Variants in LETMD1 observed in about 807,000 individuals in gnomAD.
LETMD1 encodes the protein LETM1 domain containing 1.
Under a neutral mutation model 43.9 loss-of-function variants are expected in LETMD1, and 30 were observed. The observed-to-expected ratio is 0.68, with a 90% CI of 0.51 to 0.93. The LOEUF (loss-of-function observed/expected upper bound fraction) is 0.93. LETMD1 is among the 40% of genes least tolerant of loss of function. The pLI is 0.00. For synonymous variants in LETMD1, 176 were observed against 163.1 expected (o/e 1.08, Z -0.60); for missense variants, 413 against 447.7 (o/e 0.92, Z 0.70).
chr12:51,064,439 G>T (rs1937894873), downstream of LETMD1: 1 of 1,611,184 alleles, frequency 6.2e-7, no homozygotes, highest in Non-Finnish European at 8.5e-7. Context: ...TGAACTCCTG[G>T]AAGTCCTGGG....
intron 7 of LETMD1, 53 bp from the exon 8 acceptor site, chr12:51,057,979 T>A (rs1395223759): frequency 8.9e-7 from 1 of 1,123,638 alleles, no homozygotes; most frequent in Non-Finnish European, 1.4e-6. Context: ...TCCATTTCCT[T>A]GGCATAATCA....
chr12:51,048,252 C>T (rs768521398), upstream of LETMD1: 2 of 1,489,722 alleles, frequency 1.3e-6, no homozygotes, highest in Non-Finnish European at 1.9e-6. Flanking sequence ...GCTATGGCTA[C>T]CAATCAGCGC....
chr12:51,056,062 G>C (rs1947614692), intron 5 of LETMD1, 41 bp downstream of exon 5: 3 of 1,606,356 alleles, frequency 1.9e-6, no homozygotes, highest in South Asian at 1.1e-5. Context: ...GTGGAATCTT[G>C]TTAGATTCAG....
At chr12:51,068,470 T>C in the LETMD1 span, among the ~76,000 whole-genome samples, 1 of 152,224 alleles carries the variant, frequency 6.6e-6, no homozygotes, top group Admixed American at 6.5e-5. Flanking sequence ...AATAGCCGTA[T>C]GTGACTACTG....
Position 51,057,991 on chromosome 12 carries a change from TC to T in LETMD1, c.916-40del. 3 of 1,181,922 alleles carry T rather than the reference TC, an allele frequency of 2.5e-6. No individual in the cohort carries two copies. The Admixed American group carries it at 5.0e-5, about 20-fold the overall frequency. The allele number at this position is 1,181,922 out of a possible 1,614,324, so 73.2% of individuals were successfully genotyped here. On this transcript the variant is annotated intron_variant, in intron 7 of 8. Coordinates refer to ENST00000262055, the MANE Select transcript of LETMD1 (RefSeq NM_015416.5). ...ATTTCCATTTCCTTGGCATAATCAT[TC>T]TATGATTATTAAGGACCATTTCTGT...
chr12:51,057,572 T>G (rs888246992), intron 7 of LETMD1: 1 of 187,630 alleles, frequency 5.3e-6, no homozygotes. Flanking sequence ...ATCTTGTCCA[T>G]CACTAGTTTT....
chr12:51,064,171 C>T, downstream of LETMD1: 1 of 1,614,098 alleles, frequency 6.2e-7, no homozygotes, highest in South Asian at 1.1e-5. Context: ...ACCGTTGAGG[C>T]AGTTGGGTGG....
At chr12:51,048,631 T>C in intron 1 of LETMD1, 153 bp downstream of exon 1, 1 of 945,432 alleles carries the variant, frequency 1.1e-6, no homozygotes, top group Non-Finnish European at 1.5e-6. Context: ...CGATCCCCAC[T>C]AGTGACCCGG....
chr12:51,062,968 G>T (rs1439028333), downstream of LETMD1: 1 of 152,304 alleles, frequency 6.6e-6, no homozygotes, highest in Admixed American at 6.5e-5. Context: ...TGTCAGACAC[G>T]TACAGAAGGC....
chr12:51,058,388 A>T (rs1027353899), intron 8 of LETMD1: 4 of 482,388 alleles, frequency 8.3e-6, no homozygotes, highest in African/African-American at 7.8e-5. Context: ...GCACTTCCTT[A>T]TGGGGGGAAT....
At chr12:51,064,788 C>A (rs1402143900), downstream of LETMD1, 17 of 742,294 alleles carry the variant, frequency 2.3e-5, no homozygotes, top group Non-Finnish European at 3.3e-5. Flanking sequence ...AGAAGAAAAG[C>A]AACCAATTCA....
chr12:51,063,971 G>C, downstream of LETMD1: 3 of 1,613,628 alleles, frequency 1.9e-6, no homozygotes, highest in Non-Finnish European at 1.7e-6. Flanking sequence ...ATTTACAGAG[G>C]GCAGCTGGGT....
At position 51,048,427 on chromosome 12, in the gene LETMD1, T is replaced by G. The variant is rs1265693922; in HGVS notation, c.71T>G (p.Val24Gly). The change falls in exon 1 of 9, where the codon GTC (valine) becomes GGC (glycine). Residue 24 changes from valine to glycine, a missense_variant. By Grantham distance (109) the Val-to-Gly change is moderately radical (BLOSUM62 -3). Transcript: ENST00000262055. ...WGSAVTPGHF[V>G]TRRLQLGRSG... ...TCGGCAGTCACCCCTGGACATTTTG[T>G]CACCCGGAGGCTGCAACTTGGTCGC... 2 of 1,613,628 alleles carry G rather than the reference T, an allele frequency of 1.2e-6. No individual in the cohort carries two copies. Among genetic ancestry groups the G allele is most frequent in the Admixed American group, 3.3e-5 (2 of 60,016 alleles).
chr12:51,067,626 C>T, the LETMD1 span: 827 of 1,573,718 alleles, frequency 5.3e-4, 7 homozygotes, highest in African/African-American at 9.4e-3. The surrounding 1 kb of genome is among the most constrained non-coding windows in gnomAD (Gnocchi z 4.1). Flanking sequence ...CACCTCACCC[C>T]GCTGACCCTG....
At chr12:51,062,640 T>C (rs113415044), downstream of LETMD1, 2 of 152,296 alleles carry the variant, frequency 1.3e-5, no homozygotes, top group Non-Finnish European at 2.9e-5. Flanking sequence ...CAATAAACAT[T>C]TGCAATTCTT....
At chr12:51,064,099 C>T (rs755260513), downstream of LETMD1, 1 of 1,614,088 alleles carries the variant, frequency 6.2e-7, no homozygotes, top group Non-Finnish European at 8.5e-7. Context: ...ACTCCCAAGA[C>T]TGGCCTCTGC....
downstream of LETMD1, chr12:51,062,002 G>A (rs1436019210): frequency 6.6e-6 from 1 of 152,188 alleles, no homozygotes; most frequent in Non-Finnish European, 1.5e-5. Flanking sequence ...GAGGCTAGGG[G>A]ATGGGGAGAG....
At chr12:51,051,954 A>G (rs1261664966) in intron 2 of LETMD1, 138 bp from the exon 3 acceptor site, 12 of 662,104 alleles carry the variant, frequency 1.8e-5, no homozygotes, top group Middle Eastern at 4.3e-4. Context: ...AGGAGTTTCA[A>G]GTTACCTAGT....
chr12:51,058,382 T>C, intron 8 of LETMD1: 1 of 494,700 alleles, frequency 2.0e-6, no homozygotes, highest in Non-Finnish European at 3.6e-6. Context: ...ACCTTGGCAC[T>C]TCCTTATGGG....
Sources: gnomAD v4.1 joint callset for allele counts (sites outside exome capture counted in the v4.1 genomes callset) on GRCh38, gnomAD v4.1.1 for gene constraint, Gnocchi (gnomAD v3.1) non-coding constraint, MANE v1.5 for transcripts, NCBI Gene and HGNC (gene_info 2026-07-23, HGNC 2026-07-21) for gene names.